Variants in HHAT observed in about 807,000 individuals in gnomAD.
HHAT encodes the protein hedgehog acyltransferase.
A neutral mutation model predicts 70.8 loss-of-function variants in HHAT; 47 were observed. The ratio of observed to expected loss-of-function variants is 0.66; its 90% CI spans 0.53 to 0.85. The LOEUF (loss-of-function observed/expected upper bound fraction) is 0.85, where lower values mean the gene tolerates loss of function less well. Among genes scored for constraint, HHAT ranks in the 40% least tolerant of loss-of-function variants. The probability of loss-of-function intolerance (pLI) is 0.00; values close to 1 mark genes in which losing one functional copy is unlikely to be tolerated. For synonymous variants in HHAT, 228 were observed against 247.6 expected, an observed-to-expected ratio of 0.92 and a Z score of 0.74; for missense variants, 609 against 604.8, an observed-to-expected ratio of 1.01 and a Z score of -0.07.
At chr1:210,474,290 TAATA>T (rs2094262146) in intron 8 of HHAT, among the ~76,000 whole-genome samples, 1 of 152,110 alleles carries the variant, frequency 6.6e-6, no homozygotes, top group Non-Finnish European at 1.5e-5. Context: ...AAGAGATAAA[TAATA>T]ATTATTTATT....
chr1:210,504,389 G>C (rs185808613), intron 8 of HHAT, among the ~76,000 whole-genome samples: 24 of 152,274 alleles, frequency 1.6e-4, no homozygotes, highest in Admixed American at 1.6e-3. Flanking sequence ...TCTGCTCTTG[G>C]TATCATTGTA....
intron 7 of HHAT, among the ~76,000 whole-genome samples, chr1:210,450,256 A>C (rs887646389): frequency 6.9e-6 from 1 of 145,798 alleles, no homozygotes; most frequent in Non-Finnish European, 1.5e-5. Context: ...GCGCCACTGC[A>C]CTCCAGCCTG....
intron 8 of HHAT, among the ~76,000 whole-genome samples, chr1:210,496,178 T>C (rs372683199): frequency 5.2e-4 from 79 of 152,044 alleles, no homozygotes; most frequent in African/African-American, 1.8e-3. Context: ...GCATTTGTTA[T>C]TTAGAGGGGT....
chr1:210,404,269 A>G (rs1457272741), intron 5 of HHAT, among the ~76,000 whole-genome samples, 195 bp from the exon 6 acceptor site: 2 of 152,100 alleles, frequency 1.3e-5, no homozygotes, highest in Non-Finnish European at 2.9e-5. Flanking sequence ...TTGATTACCA[A>G]TGAGATTTAC....
At chr1:210,519,840 T>TTC (rs1380969155) in intron 9 of HHAT, among the ~76,000 whole-genome samples, 1 of 151,206 alleles carries the variant, frequency 6.6e-6, no homozygotes, top group Non-Finnish European at 1.5e-5. Context: ...TTTTTTTTTT[T>TTC]TTGTCTTTTT....
chr1:210,620,723 A>G (rs761022260), intron 10 of HHAT, among the ~76,000 whole-genome samples: 48 of 152,154 alleles, frequency 3.2e-4, no homozygotes, highest in Non-Finnish European at 6.8e-4. Context: ...GTTTGATTCT[A>G]ACAGGCTGTG....
intron 10 of HHAT, among the ~76,000 whole-genome samples, chr1:210,605,925 T>C (rs373220336): frequency 8.8e-4 from 134 of 152,142 alleles, no homozygotes; most frequent in African/African-American, 3.2e-3. Context: ...GGCTTGATCT[T>C]GGCTCACTGC....
chr1:210,398,706 C>T (rs914574678), intron 4 of HHAT, among the ~76,000 whole-genome samples: 2 of 152,140 alleles, frequency 1.3e-5, no homozygotes, highest in Admixed American at 6.5e-5. Context: ...AAAAGAATTC[C>T]ATTGGTAAAT....
intron 7 of HHAT, among the ~76,000 whole-genome samples, chr1:210,425,594 G>T (rs954876546): frequency 6.6e-6 from 1 of 152,046 alleles, no homozygotes; most frequent in African/African-American, 2.4e-5. Flanking sequence ...TTATTGAGGA[G>T]GGAATTATTT....
At chr1:210,437,580 T>A (rs1021415547) in intron 7 of HHAT, among the ~76,000 whole-genome samples, 5 of 151,872 alleles carry the variant, frequency 3.3e-5, no homozygotes, top group Non-Finnish European at 4.4e-5. Flanking sequence ...TGCAAAGCTT[T>A]CATTGCTGCC....
chr1:210,548,878 C>G (rs1032880845), intron 9 of HHAT, among the ~76,000 whole-genome samples: 1 of 152,178 alleles, frequency 6.6e-6, no homozygotes, highest in Admixed American at 6.5e-5. Context: ...TGGCATTATT[C>G]CAATTGCTGT....
intron 3 of HHAT, among the ~76,000 whole-genome samples, chr1:210,373,539 C>G (rs866232728): frequency 6.6e-6 from 1 of 152,100 alleles, no homozygotes. Flanking sequence ...ATGCTACTTT[C>G]AGGGATGACA....
intron 2 of HHAT, among the ~76,000 whole-genome samples, chr1:210,349,678 G>C (rs1272666692): frequency 3.6e-5 from 5 of 139,744 alleles, no homozygotes; most frequent in Non-Finnish European, 7.7e-5. Context: ...TTGAGACCTA[G>C]TTTCGCTCTT....
In HHAT at chr1:210,397,237, G is replaced by A. The variant is rs894842397; in HGVS notation, c.274-3231G>A. On this transcript the variant is annotated intron_variant, in intron 4 of 11. Coordinates refer to ENST00000261458, the MANE Select transcript of HHAT (RefSeq NM_018194.6). The stretch of plus-strand genomic sequence containing the variant: ...ATTACATAAAAGTTGTATGCAACTG[G>A]AATCTGTAAATCAGAAACATCACAA... Among the ~76,000 whole-genome samples, 10 of 152,290 alleles carry A rather than the reference G, an allele frequency of 6.6e-5. 1 individual carries two copies. In the East Asian group the frequency reaches 1.9e-3, roughly 29 times the overall value.
intron 9 of HHAT, among the ~76,000 whole-genome samples, chr1:210,530,942 A>G (rs2095308457): frequency 6.6e-6 from 1 of 152,216 alleles, no homozygotes; most frequent in African/African-American, 2.4e-5. Flanking sequence ...CCTGTTTACC[A>G]ATTAGTCATA....
chr1:210,375,864 A>T (rs75948452), intron 3 of HHAT, among the ~76,000 whole-genome samples: 12 of 57,486 alleles, frequency 2.1e-4, no homozygotes, highest in Non-Finnish European at 3.5e-4. Flanking sequence ...TTCAATAATT[A>T]AAAAAAAAAA....
At chr1:210,514,941 C>T (rs1247675830) in intron 9 of HHAT, among the ~76,000 whole-genome samples, 1 of 152,234 alleles carries the variant, frequency 6.6e-6, no homozygotes, top group Admixed American at 6.5e-5. Context: ...AACCATTCCT[C>T]CTATGTTGGG....
At chr1:210,560,446 C>T (rs1282175098) in intron 9 of HHAT, among the ~76,000 whole-genome samples, 4 of 151,996 alleles carry the variant, frequency 2.6e-5, no homozygotes, top group African/African-American at 9.7e-5. Flanking sequence ...TTCTTGGGGG[C>T]TCACCCTACC....
intron 1 of HHAT, 156 bp downstream of exon 1, chr1:210,329,260 G>A (rs1036710684): frequency 8.1e-7 from 1 of 1,229,720 alleles, no homozygotes; most frequent in African/African-American, 1.6e-5. Context: ...GAAGTTCCCG[G>A]TCGGGCGAAG....
Sources: allele counts gnomAD v4.1 joint callset (sites outside exome capture counted in the v4.1 genomes callset), GRCh38; gene constraint gnomAD v4.1.1; transcripts MANE v1.5; gene names NCBI Gene and HGNC (gene_info 2026-07-23, HGNC 2026-07-21).